Variants in SEC63 observed in about 807,000 individuals in gnomAD.
The protein encoded by SEC63 is SEC63 protein translocation regulator.
Under a neutral mutation model 116.2 loss-of-function variants are expected in SEC63, and 56 were observed. The observed-to-expected ratio is 0.48, with a 90% CI of 0.39 to 0.60. The LOEUF is 0.60. SEC63 is among the 20% of genes least tolerant of loss of function. The probability of loss-of-function intolerance (pLI) is 0.00; values close to 1 mark genes in which losing one functional copy is unlikely to be tolerated. For synonymous variants in SEC63, 273 were observed against 294.6 expected (o/e 0.93, Z 0.75); for missense variants, 668 against 900.0 (o/e 0.74, Z 3.30).
intron 11 of SEC63, among the ~76,000 whole-genome samples, chr6:107,903,540 T>A (rs991090855): frequency 2.6e-5 from 4 of 152,118 alleles, no homozygotes; most frequent in Non-Finnish European, 5.9e-5. Context: ...ATCCCACCTC[T>A]ACACAAAATG....
rs538081620 is a variant in SEC63, at chr6:107,878,608, C to A, written c.1936-1946G>T. Among the ~76,000 whole-genome samples, 17 of 152,334 alleles carry A rather than the reference C, an allele frequency of 1.1e-4. 1 individual carries two copies. Among genetic ancestry groups the A allele is most frequent in the Admixed American group, 9.8e-4 (15 of 15,306 alleles). On this transcript the variant is annotated intron_variant, in intron 18 of 20. Coordinates refer to ENST00000369002, the MANE Select transcript of SEC63 (RefSeq NM_007214.5). ...TGGTGGCTCACACCTGTAATCCCAG[C>A]ACTTTGGGAGGCCAAGGCGGGTGGA...
Position 107,913,444 on chromosome 6 carries a change from A to G in SEC63, c.453-17T>C. 1 of 1,605,830 alleles carries G rather than the reference A, an allele frequency of 6.2e-7. No individual in the cohort carries two copies. The highest frequency in any genetic ancestry group is 8.5e-7 in the Non-Finnish European group (1 of 1,172,622). ...TCCGTTAAACTAGCATCAAAAGAAC[A>G]AAGTTGCAAAATTAGAAAGCCACAT... On this transcript the variant is annotated splice_polypyrimidine_tract_variant and intron_variant, in intron 4 of 20. Coordinates refer to ENST00000369002, the MANE Select transcript of SEC63 (RefSeq NM_007214.5).
intron 16 of SEC63, among the ~76,000 whole-genome samples, chr6:107,887,763 T>G (rs1331577924): frequency 1.3e-5 from 2 of 151,938 alleles, no homozygotes; most frequent in African/African-American, 2.4e-5. Flanking sequence ...AAAAAAATTT[T>G]TTTGTATAAG....
chr6:107,890,519 T>C (rs1333946484), intron 16 of SEC63, among the ~76,000 whole-genome samples: 9 of 152,232 alleles, frequency 5.9e-5, no homozygotes, highest in African/African-American at 2.2e-4. Flanking sequence ...TGACTCTTTA[T>C]CCAATTTGGC....
At chr6:107,909,150 T>C (rs1340906873) in intron 7 of SEC63, 115 bp from the exon 8 acceptor site, 4 of 700,170 alleles carry the variant, frequency 5.7e-6, no homozygotes, top group East Asian at 2.9e-5. Flanking sequence ...AGAGGACTGC[T>C]TGAGCCCAGG....
At chr6:107,899,624 G>A (rs1464127992) in intron 13 of SEC63, among the ~76,000 whole-genome samples, 10 of 152,028 alleles carry the variant, frequency 6.6e-5, no homozygotes, top group Admixed American at 1.3e-4. Flanking sequence ...GAGGGCTGAG[G>A]CAGGAGAATC....
At chr6:107,935,293 C>T (rs1461146426) in intron 1 of SEC63, among the ~76,000 whole-genome samples, 1 of 151,790 alleles carries the variant, frequency 6.6e-6, no homozygotes, top group Non-Finnish European at 1.5e-5. Flanking sequence ...GGAGGTGTGC[C>T]CAACAGCTCA....
chr6:107,886,923 A>G (rs554762495), intron 16 of SEC63, among the ~76,000 whole-genome samples: 1 of 144,640 alleles, frequency 6.9e-6, no homozygotes, highest in East Asian at 2.0e-4. Context: ...TTTTGTTGCC[A>G]TTGCTTTTAG....
chr6:107,890,848 T>G (rs902674386), intron 16 of SEC63, among the ~76,000 whole-genome samples: 1 of 152,216 alleles, frequency 6.6e-6, no homozygotes, highest in East Asian at 1.9e-4. Flanking sequence ...GGCTGGATAT[T>G]AAATTCTGGG....
intron 17 of SEC63, among the ~76,000 whole-genome samples, chr6:107,882,314 A>G (rs1033114036): frequency 6.6e-6 from 1 of 152,170 alleles, no homozygotes; most frequent in Non-Finnish European, 1.5e-5. Context: ...CAACGCTAAC[A>G]AACCTAAAAG....
chr6:107,917,202 C>A (rs181208868), intron 4 of SEC63, among the ~76,000 whole-genome samples: 1 of 152,180 alleles, frequency 6.6e-6, no homozygotes, highest in Non-Finnish European at 1.5e-5. Context: ...TCCTTTAATT[C>A]GGCCCATCCC....
intron 17 of SEC63, among the ~76,000 whole-genome samples, chr6:107,881,483 C>G (rs1432037485): frequency 6.6e-6 from 1 of 152,066 alleles, no homozygotes; most frequent in African/African-American, 2.4e-5. Context: ...TAGCCTGCCT[C>G]TCTTTGGTCT....
chr6:107,879,116 T>C (rs1379940066), intron 18 of SEC63, among the ~76,000 whole-genome samples: 2 of 152,190 alleles, frequency 1.3e-5, no homozygotes, highest in East Asian at 1.9e-4. Flanking sequence ...AACACGGAAA[T>C]GTAGACAGGT....
intron 1 of SEC63, among the ~76,000 whole-genome samples, chr6:107,954,330 G>A (rs1455719928): frequency 1.3e-5 from 2 of 151,644 alleles, no homozygotes; most frequent in African/African-American, 2.4e-5. Context: ...CAAACACTGC[G>A]GAAGGCCGCA....
chr6:107,955,424 A>G (rs2114526682), intron 1 of SEC63, among the ~76,000 whole-genome samples: 1 of 152,206 alleles, frequency 6.6e-6, no homozygotes, highest in Non-Finnish European at 1.5e-5. Context: ...GGGCCTCCCA[A>G]AGTGAGCCAC....
chr6:107,917,567 G>A (rs1201636465), intron 4 of SEC63, among the ~76,000 whole-genome samples: 2 of 152,218 alleles, frequency 1.3e-5, no homozygotes, highest in African/African-American at 2.4e-5. Flanking sequence ...TAGGCCTCTT[G>A]TGCCAGACAG....
At chr6:107,903,148 A>G (rs1787047788) in intron 11 of SEC63, 150 bp from the exon 12 acceptor site, 3 of 771,008 alleles carry the variant, frequency 3.9e-6, no homozygotes, top group Non-Finnish European at 6.6e-6. Context: ...GTTACCAGAG[A>G]AGACACTAAA....
chr6:107,897,581 G>A (rs959633251), intron 14 of SEC63, 68 bp downstream of exon 14: 4 of 1,105,382 alleles, frequency 3.6e-6, no homozygotes, highest in Non-Finnish European at 5.5e-6. Context: ...CTTTGACAAT[G>A]AGGGAAATAA....
In SEC63 at chr6:107,876,670, CAAA is replaced by C. The variant is rs749125299; in HGVS notation, c.1936-11_1936-9del. ...CCACCATTCTTGTTTTTCCTGGAAACAAAAAAAAAAAAAAAAAAAGAAGAGGGG... is the reference window on the plus strand; with the variant it reads ...CCACCATTCTTGTTTTTCCTGGAAACAAAAAAAAAAAAAAAAGAAGAGGGG... On this transcript the variant is annotated splice_polypyrimidine_tract_variant and intron_variant, in intron 18 of 20. Coordinates refer to ENST00000369002, the MANE Select transcript of SEC63 (RefSeq NM_007214.5). 5,112 of 754,562 alleles carry C rather than the reference CAAA, an allele frequency of 6.8e-3. 9 individuals are homozygous for C. Among genetic ancestry groups the C allele is most frequent in the African/African-American group, 0.026 (1,182 of 45,044 alleles). 46.7% of individuals were successfully genotyped at this position (754,562 alleles called of 1,614,324 possible).
Sources: gnomAD v4.1 joint callset for allele counts (sites outside exome capture counted in the v4.1 genomes callset) on GRCh38, gnomAD v4.1.1 for gene constraint, MANE v1.5 for transcripts, NCBI Gene and HGNC (gene_info 2026-07-23, HGNC 2026-07-21) for gene names.